The following ACOXL variants were observed in gnomAD, a reference collection of about 807,000 sequenced individuals.
The protein encoded by ACOXL is acyl-CoA oxidase like.
A neutral mutation model predicts 71.9 loss-of-function variants in ACOXL; 70 were observed. The observed-to-expected ratio is 0.97, with a 90% CI of 0.80 to 1.19. The LOEUF (loss-of-function observed/expected upper bound fraction) is 1.19. ACOXL is among the 50% of genes most tolerant of loss of function. ACOXL has a pLI of 0.00. For missense variants in ACOXL, 703 were observed against 736.3 expected (o/e 0.95, Z 0.52); for synonymous variants, 253 against 281.6 (o/e 0.90, Z 1.02).
At chr2:110,861,293 TA>T (rs1013460318) in intron 10 of ACOXL, among the ~76,000 whole-genome samples, 50 of 151,894 alleles carry the variant, frequency 3.3e-4, no homozygotes, top group South Asian at 6.3e-4. Flanking sequence ...TCTACATCAT[TA>T]AAAAAAATAC....
chr2:111,025,349 G>C (rs976809258), intron 14 of ACOXL, among the ~76,000 whole-genome samples: 4 of 152,190 alleles, frequency 2.6e-5, no homozygotes, highest in Admixed American at 2.0e-4. Context: ...AAATACCGAG[G>C]GGTGGAATGG....
At chr2:110,899,404 C>G (rs1049529917) in intron 10 of ACOXL, among the ~76,000 whole-genome samples, 2 of 152,166 alleles carry the variant, frequency 1.3e-5, no homozygotes, top group African/African-American at 2.4e-5. Flanking sequence ...TTGCTACCTC[C>G]AAGATGACAG....
intron 12 of ACOXL, among the ~76,000 whole-genome samples, chr2:110,935,254 T>C (rs2060619288): frequency 6.6e-6 from 1 of 152,120 alleles, no homozygotes; most frequent in Non-Finnish European, 1.5e-5. Context: ...TGCAGGCTCC[T>C]GGTCCTCTGG....
intron 12 of ACOXL, among the ~76,000 whole-genome samples, chr2:110,936,028 C>T (rs1488667485): frequency 6.6e-6 from 1 of 152,102 alleles, no homozygotes; most frequent in African/African-American, 2.4e-5. Context: ...GGAGGTGGAG[C>T]TCAGGCAGTA....
At chr2:110,963,573 GTGT>G (rs2061789842) in intron 12 of ACOXL, 1 of 619,096 alleles carries the variant, frequency 1.6e-6, no homozygotes, top group Non-Finnish European at 2.2e-6. Context: ...AAATGTGTGT[GTGT>G]GTGTGTGTGT....
chr2:111,118,161 C>G lies in ACOXL; in HGVS notation c.*345C>G. 2.4e-6 allele frequency: 1 copy of G among 419,848 alleles called. No individual in the cohort carries two copies. Among genetic ancestry groups the G allele is most frequent in the South Asian group, 3.2e-5 (1 of 31,590 alleles). 26.0% of individuals were successfully genotyped at this position (419,848 alleles called of 1,614,324 possible). A position where few individuals can be genotyped will look rare whatever the true frequency, so the allele number is the denominator to read the frequency against. Reference sequence around the variant, plus strand: ...CACAGCCGGGTGCCGCCAAAGGTCTCCTGCTGTTAGCGGTGACTCACATTC... The same window carrying G: ...CACAGCCGGGTGCCGCCAAAGGTCTGCTGCTGTTAGCGGTGACTCACATTC... On this transcript the variant is annotated 3_prime_UTR_variant, in exon 18 of 18. Transcript: ENST00000439055.
In ACOXL at chr2:110,967,820, C is replaced by G. The variant is rs2061998264; in HGVS notation, c.1060-19288C>G. The G allele has an allele frequency of 4.2e-6, 4 of 943,446 alleles. No homozygotes were observed. The East Asian group carries it at 9.6e-5, about 23-fold the overall frequency. The allele number at this position is 943,446 out of a possible 1,614,324, so 58.4% of individuals were successfully genotyped here. On this transcript the variant is annotated intron_variant, in intron 12 of 17. Coordinates refer to ENST00000439055, the MANE Select transcript of ACOXL (RefSeq NM_001142807.4). Reference sequence around the variant, plus strand: ...TCTCTGTTGAGCCACGGATGTGGGTCTCTGTTTTGCAGGATGGGGTTTGTT... The same window carrying G: ...TCTCTGTTGAGCCACGGATGTGGGTGTCTGTTTTGCAGGATGGGGTTTGTT...
intron 14 of ACOXL, 132 bp downstream of exon 14, chr2:110,996,136 C>T (rs2149593733): frequency 1.4e-6 from 1 of 708,134 alleles, no homozygotes; most frequent in Admixed American, 2.4e-5. Context: ...GCTAGAGTTC[C>T]TACGGGCCAT....
At chr2:110,785,402 T>G (rs1310155195) in intron 3 of ACOXL, among the ~76,000 whole-genome samples, 1 of 133,848 alleles carries the variant, frequency 7.5e-6, no homozygotes, top group Non-Finnish European at 1.6e-5. Flanking sequence ...GTGTGTGTGG[T>G]TTTATGCAGT....
chr2:110,900,357 A>C (rs1558697011), intron 10 of ACOXL, among the ~76,000 whole-genome samples: 1 of 152,172 alleles, frequency 6.6e-6, no homozygotes, highest in African/African-American at 2.4e-5. Flanking sequence ...GCAGCATCGC[A>C]GGTAATTTTA....
At chr2:110,846,641 G>GCGCACGCACACACA (rs148602789) in intron 10 of ACOXL, among the ~76,000 whole-genome samples, 3 of 137,928 alleles carry the variant, frequency 2.2e-5, no homozygotes, top group Non-Finnish European at 4.7e-5. Flanking sequence ...ATGCATACAC[G>GCGCACGCACACACA]CACACACACA....
At chr2:110,743,612 C>A (rs573362186) in intron 1 of ACOXL, among the ~76,000 whole-genome samples, 1 of 152,136 alleles carries the variant, frequency 6.6e-6, no homozygotes, top group Non-Finnish European at 1.5e-5. Flanking sequence ...TGGTGGGACA[C>A]GGGATCCTCG....
intron 17 of ACOXL, among the ~76,000 whole-genome samples, chr2:111,102,626 C>T (rs116549550): frequency 5.3e-4 from 80 of 150,914 alleles, no homozygotes; most frequent in African/African-American, 1.8e-3. Context: ...AAACTTGTAC[C>T]TAAGAATAGC....
rs1014606248 is a variant in ACOXL at position 111,036,421 on chromosome 2, T to G, written c.1369+4707T>G. Among the ~76,000 whole-genome samples the G allele has an allele frequency of 5.3e-5, 8 of 152,270 alleles. No individual in the cohort carries two copies. In the East Asian group the frequency reaches 1.5e-3, roughly 29 times the overall value. On this transcript the variant is annotated intron_variant, in intron 15 of 17. Transcript: ENST00000439055. ...GTCTTTGTCTAGCACCCGTTAAATG[T>G]GTGGGCAGTGGAAACCAGTGAGAAG...
chr2:110,984,734 C>G (rs6723578), intron 12 of ACOXL, among the ~76,000 whole-genome samples: 66,730 of 152,086 alleles, frequency 0.44, 15,082 homozygotes, highest in Middle Eastern at 0.53. Flanking sequence ...GTGGAAATAG[C>G]GGCAGAAGTT....
At chr2:111,055,160 A>T (rs2066473333) in intron 16 of ACOXL, among the ~76,000 whole-genome samples, 1 of 152,174 alleles carries the variant, frequency 6.6e-6, no homozygotes, top group Non-Finnish European at 1.5e-5. Flanking sequence ...CTGCAGGACC[A>T]GGCAGGTGCC....
intron 13 of ACOXL, among the ~76,000 whole-genome samples, chr2:110,988,016 A>G (rs776311966): frequency 3.0e-4 from 46 of 152,254 alleles, no homozygotes; most frequent in Non-Finnish European, 5.4e-4. Context: ...CCATATATCC[A>G]TAGGACCTCC....
chr2:110,882,787 T>C (rs1000533385), intron 10 of ACOXL, among the ~76,000 whole-genome samples: 1 of 152,180 alleles, frequency 6.6e-6, no homozygotes, highest in African/African-American at 2.4e-5. Flanking sequence ...TTCAGGCCTT[T>C]TATTGATCAT....
At chr2:111,075,480 T>C (rs1199379020) in intron 16 of ACOXL, among the ~76,000 whole-genome samples, 2 of 152,116 alleles carry the variant, frequency 1.3e-5, no homozygotes, top group African/African-American at 4.8e-5. Flanking sequence ...TTTTTGTCTT[T>C]GTAAATTTGT....
Sources: allele counts gnomAD v4.1 joint callset (sites outside exome capture counted in the v4.1 genomes callset), GRCh38; gene constraint gnomAD v4.1.1; transcripts MANE v1.5; gene names NCBI Gene and HGNC (gene_info 2026-07-23, HGNC 2026-07-21).